The following H2AC7 variants were observed in gnomAD, a reference collection of about 807,000 sequenced individuals.
The protein encoded by H2AC7 is H2A clustered histone 7.
A neutral mutation model predicts 8.3 loss-of-function variants in H2AC7; 15 were observed. That is an observed-to-expected ratio of 1.81 (90% CI 1.21 to 2.79). The LOEUF (loss-of-function observed/expected upper bound fraction) is 2.79, where lower values mean the gene tolerates loss of function less well. Ranked by LOEUF, H2AC7 falls within the 30% of genes most tolerant of loss-of-function variation. The pLI, the probability that H2AC7 is intolerant of heterozygous loss-of-function variation, is 0.00. For synonymous variants in H2AC7, 168 were observed against 80.1 expected, an observed-to-expected ratio of 2.10 and a Z score of -5.86; for missense variants, 283 against 175.2, an observed-to-expected ratio of 1.62 and a Z score of -3.47.
At position 26,199,115 on chromosome 6, in the gene H2AC7, T is replaced by G. The variant is rs1406876778; in HGVS notation, c.129A>C (p.Arg43=). ...GATACACTGGCGCGCCGGCCCCGAC[T>G]CGCTCGGAGTAGTTGCCCTTGCGGA... ...RLLRKGNYSE[R]VGAGAPVYLA... The change falls in exon 1 of 1, where the codon CGA becomes CGC. Residue 43 remains arginine, a synonymous_variant. Coordinates refer to ENST00000341023, the MANE Select transcript of H2AC7 (RefSeq NM_021065.3). 4 of 1,614,156 alleles carry G rather than the reference T, an allele frequency of 2.5e-6. No individual in the cohort carries two copies. Among genetic ancestry groups the G allele is most frequent in the Non-Finnish European group, 3.4e-6 (4 of 1,180,020 alleles).
rs117079837 is a variant in H2AC7, at chr6:26,198,971, G to A, written c.273C>T (p.Asp91=). 133 of 1,614,250 alleles carry A rather than the reference G, an allele frequency of 8.2e-5. 1 individual carries two copies. The East Asian group carries it at 1.1e-3, about 13-fold the overall frequency. The change falls in exon 1 of 1, where the codon GAC becomes GAT. Residue 91 remains aspartate (D), a synonymous_variant. Transcript: ENST00000341023. ...PRHLQLAIRN[D]EELNKLLGKV... is the part of the protein sequence containing the mutation. ...TACCCAGCAACTTGTTTAGCTCCTC[G>A]TCGTTGCGGATGGCCAGCTGCAGGT...
rs771157419 is a variant in H2AC7 at position 26,199,206 on chromosome 6, G to A, written c.38C>T (p.Ala13Val). Residue 13 changes from alanine to valine, a missense_variant, in exon 1 of 1, where the codon GCT becomes GTT. Coordinates refer to ENST00000341023, the MANE Select transcript of H2AC7 (RefSeq NM_021065.3). ...GRGKQGGKAR[A>V]KAKTRSSRAG... ...CCGCGAAGAGCGGGTCTTAGCCTTAGCTCGGGCCTTTCCGCCTTGCTTGCC... is the reference window on the plus strand; with the variant it reads ...CCGCGAAGAGCGGGTCTTAGCCTTAACTCGGGCCTTTCCGCCTTGCTTGCC... The A allele has an allele frequency of 7.5e-6, 12 of 1,609,568 alleles. No individual in the cohort carries two copies. Among genetic ancestry groups the A allele is most frequent in the Middle Eastern group, 3.3e-4 (2 of 6,074 alleles).
rs1323153739 is a variant in H2AC7 at position 26,199,202 on chromosome 6, C to A, written c.42G>T (p.Lys14Asn). 3 of 1,612,600 alleles carry A rather than the reference C, an allele frequency of 1.9e-6. No individual in the cohort carries two copies. The highest frequency in any genetic ancestry group is 2.7e-5 in the African/African-American group (2 of 74,844). ...RGKQGGKARAKAKTRSSRAGL... is the reference protein window; with the variant it reads ...RGKQGGKARANAKTRSSRAGL... ...CGGCCCGCGAAGAGCGGGTCTTAGC[C>A]TTAGCTCGGGCCTTTCCGCCTTGCT... Residue 14 changes from lysine (K) to asparagine (N), a missense_variant, in exon 1 of 1, where the codon AAG becomes AAT. Transcript: ENST00000341023.
rs897718233 is a variant in H2AC7 at position 26,199,293 on chromosome 6, T to C, written c.-50A>G. On this transcript the variant is annotated 5_prime_UTR_variant, in exon 1 of 1. Transcript: ENST00000341023. ...AGCAATGAAGACAAAAATGTAAAAGTGAATTTTGTTAGCAAGTGAGAAACT... is the reference window on the plus strand; with the variant it reads ...AGCAATGAAGACAAAAATGTAAAAGCGAATTTTGTTAGCAAGTGAGAAACT... 3 of 1,562,004 alleles carry C rather than the reference T, an allele frequency of 1.9e-6. No homozygotes were observed. The highest frequency in any genetic ancestry group is 1.7e-6 in the Non-Finnish European group (2 of 1,158,370).
At position 26,199,085 on chromosome 6, in the gene H2AC7, C is replaced by A. The variant is rs748090291; in HGVS notation, c.159G>T (p.Ala53=). 38 of 1,614,038 alleles carry A rather than the reference C, an allele frequency of 2.4e-5. No homozygotes were observed. The highest frequency in any genetic ancestry group is 3.1e-5 in the Non-Finnish European group (37 of 1,180,034). The part of the protein sequence containing the change: ...RVGAGAPVYL[A]AVLEYLTAEI... Reference sequence around the variant, plus strand: ...CGGCGGTCAGGTACTCCAACACCGCCGCCAGATACACTGGCGCGCCGGCCC... The same window carrying A: ...CGGCGGTCAGGTACTCCAACACCGCAGCCAGATACACTGGCGCGCCGGCCC... Residue 53 remains alanine (A), a synonymous_variant, in exon 1 of 1, where the codon GCG becomes GCT. Coordinates refer to ENST00000341023, the MANE Select transcript of H2AC7 (RefSeq NM_021065.3).
Position 26,199,225 on chromosome 6 carries a change from G to GA in H2AC7, c.18_19insT (p.Gln7SerfsTer8). 1 of 1,603,886 alleles carries GA rather than the reference G, an allele frequency of 6.2e-7. No individual in the cohort carries two copies. Among genetic ancestry groups the GA allele is most frequent in the Middle Eastern group, 1.7e-4 (1 of 6,036 alleles). ...GCCTTAGCTCGGGCCTTTCCGCCTTGCTTGCCGCGTCCGGACATTTTGAAT... is the reference window on the plus strand; with the variant it reads ...GCCTTAGCTCGGGCCTTTCCGCCTTGACTTGCCGCGTCCGGACATTTTGAAT... On this transcript the variant is annotated frameshift_variant, in exon 1 of 1. Transcript: ENST00000341023. LOFTEE classifies it high-confidence loss of function.
In H2AC7 at chr6:26,199,121, G is replaced by A; in HGVS notation, c.123C>T (p.Ser41=). ...CTGGCGCGCCGGCCCCGACTCGCTC[G>A]GAGTAGTTGCCCTTGCGGAGCAAGC... The part of the protein sequence containing the change: ...VHRLLRKGNY[S]ERVGAGAPVY... Residue 41 remains serine, a synonymous_variant, in exon 1 of 1, where the codon TCC becomes TCT. Transcript: ENST00000341023. The A allele has an allele frequency of 1.9e-6, 3 of 1,614,228 alleles. No individual in the cohort carries two copies. The highest frequency in any genetic ancestry group is 2.5e-6 in the Non-Finnish European group (3 of 1,180,036).
At position 26,198,935 on chromosome 6, in the gene H2AC7, A is replaced by G. The variant is rs112920691; in HGVS notation, c.309T>C (p.Ile103=). ...TGTTGGGCAGAACACCGCCCTGAGCAATTGTGACTTTACCCAGCAACTTGT... is the reference window on the plus strand; with the variant it reads ...TGTTGGGCAGAACACCGCCCTGAGCGATTGTGACTTTACCCAGCAACTTGT... ...ELNKLLGKVT[I]AQGGVLPNIQ... is the part of the protein sequence containing the mutation. The change falls in exon 1 of 1, where the codon ATT becomes ATC. Residue 103 remains isoleucine, a synonymous_variant. Transcript: ENST00000341023. 1.6e-3 allele frequency: 2,608 copies of G among 1,614,188 alleles called. 21 individuals carry two copies. The African/African-American group carries it at 0.024, about 15-fold the overall frequency.
rs1409042178 is a variant in H2AC7 at position 26,199,009 on chromosome 6, T to C, written c.235A>G (p.Ile79Val). 3 of 1,614,164 alleles carry C rather than the reference T, an allele frequency of 1.9e-6. No individual in the cohort carries two copies. Among genetic ancestry groups the C allele is most frequent in the African/African-American group, 1.3e-5 (1 of 75,044 alleles). The change falls in exon 1 of 1, where the codon ATC becomes GTC. Residue 79 changes from isoleucine to valine, a missense_variant. Physicochemically the swap from Ile to Val is conservative, Grantham distance 29. Transcript: ENST00000341023. Reference sequence around the variant, plus strand: ...GCCAGCTGCAGGTGTCGGGGGATGATGCGGGTCTTCTTGTTGTCGCGGGCG... The same window carrying C: ...GCCAGCTGCAGGTGTCGGGGGATGACGCGGGTCTTCTTGTTGTCGCGGGCG... ...NAARDNKKTR[I>V]IPRHLQLAIR...
In H2AC7 at chr6:26,199,044, G is replaced by A. The variant is rs745492127; in HGVS notation, c.200C>T (p.Ala67Val). The A allele has an allele frequency of 4.3e-6, 7 of 1,614,186 alleles. No individual in the cohort carries two copies. In the South Asian group the frequency reaches 4.4e-5, roughly 10 times the overall value. ...EYLTAEILEL[A>V]GNAARDNKKT... ...CTTGTTGTCGCGGGCGGCGTTGCCC[G>A]CCAGCTCCAGGATCTCGGCGGTCAG... The change falls in exon 1 of 1, where the codon GCG becomes GTG. Residue 67 changes from alanine (A) to valine (V), a missense_variant. Physicochemically the swap from Ala to Val is moderately conservative, Grantham distance 64 (BLOSUM62 0). Transcript: ENST00000341023.
rs754630329 is a variant in H2AC7 at position 26,199,107 on chromosome 6, G to A, written c.137C>T (p.Ala46Val). The A allele has an allele frequency of 6.2e-7, 1 of 1,614,176 alleles. No homozygotes were observed. The highest frequency in any genetic ancestry group is 8.5e-7 in the Non-Finnish European group (1 of 1,180,018). The change falls in exon 1 of 1, where the codon GCC becomes GTC. Residue 46 changes from alanine to valine, a missense_variant. By Grantham distance (64) the Ala-to-Val change is moderately conservative. Transcript: ENST00000341023. Reference sequence around the variant, plus strand: ...CGCCGCCAGATACACTGGCGCGCCGGCCCCGACTCGCTCGGAGTAGTTGCC... The same window carrying A: ...CGCCGCCAGATACACTGGCGCGCCGACCCCGACTCGCTCGGAGTAGTTGCC... ...RKGNYSERVG[A>V]GAPVYLAAVL...
chr6:26,199,232 G>C lies in H2AC7; in HGVS notation c.12C>G (p.Arg4=). MSG[R]GKQGGKARAK... ...CTCGGGCCTTTCCGCCTTGCTTGCCGCGTCCGGACATTTTGAATTCTTAAA... is the reference window on the plus strand; with the variant it reads ...CTCGGGCCTTTCCGCCTTGCTTGCCCCGTCCGGACATTTTGAATTCTTAAA... The change falls in exon 1 of 1, where the codon CGC becomes CGG. Residue 4 remains arginine, a synonymous_variant. Transcript: ENST00000341023. The C allele has an allele frequency of 6.3e-7, 1 of 1,596,312 alleles. No homozygotes were observed. The highest frequency in any genetic ancestry group is 1.4e-5 in the African/African-American group (1 of 73,742).
Position 26,198,837 on chromosome 6 carries a change from T to A in H2AC7, c.*14A>T. 2 of 1,610,754 alleles carry A rather than the reference T, an allele frequency of 1.2e-6. No homozygotes were observed. Among genetic ancestry groups the A allele is most frequent in the Non-Finnish European group, 1.7e-6 (2 of 1,179,224 alleles). On this transcript the variant is annotated 3_prime_UTR_variant, in exon 1 of 1. Coordinates refer to ENST00000341023, the MANE Select transcript of H2AC7 (RefSeq NM_021065.3). ...AGACTGCTTCCTTAAAAAGCCAATA[T>A]AAGAGTTCTCGTTTTACTTGCCCTT...
Position 26,199,230 on chromosome 6 carries a change from C to T in H2AC7, c.14G>A (p.Gly5Asp). MSGR[G>D]KQGGKARAKA... Reference sequence around the variant, plus strand: ...AGCTCGGGCCTTTCCGCCTTGCTTGCCGCGTCCGGACATTTTGAATTCTTA... The same window carrying T: ...AGCTCGGGCCTTTCCGCCTTGCTTGTCGCGTCCGGACATTTTGAATTCTTA... The change falls in exon 1 of 1, where the codon GGC becomes GAC. Residue 5 changes from glycine to aspartate, a missense_variant. Gly to Asp is a moderately conservative substitution (Grantham distance 94). Coordinates refer to ENST00000341023, the MANE Select transcript of H2AC7 (RefSeq NM_021065.3). 1.2e-6 allele frequency: 2 copies of T among 1,602,800 alleles called. No homozygotes were observed. The highest frequency in any genetic ancestry group is 1.7e-6 in the Non-Finnish European group (2 of 1,177,154).
chr6:26,199,230 C>A lies in H2AC7; in HGVS notation c.14G>T (p.Gly5Val). The change falls in exon 1 of 1, where the codon GGC (glycine) becomes GTC (valine). Residue 5 changes from glycine (G) to valine (V), a missense_variant. By Grantham distance (109) the Gly-to-Val change is moderately radical. Transcript: ENST00000341023. ...AGCTCGGGCCTTTCCGCCTTGCTTG[C>A]CGCGTCCGGACATTTTGAATTCTTA... The part of the protein sequence containing the change: MSGR[G>V]KQGGKARAKA... 1 of 1,602,800 alleles carries A rather than the reference C, an allele frequency of 6.2e-7. No homozygotes were observed. Among genetic ancestry groups the A allele is most frequent in the Non-Finnish European group, 8.5e-7 (1 of 1,177,154 alleles).
Position 26,198,939 on chromosome 6 carries a change from G to A in H2AC7, c.305C>T (p.Thr102Ile), listed in dbSNP as rs1765054444. The A allele has an allele frequency of 6.2e-7, 1 of 1,614,236 alleles. No homozygotes were observed. The highest frequency in any genetic ancestry group is 1.1e-5 in the South Asian group (1 of 91,090). Residue 102 changes from threonine (T) to isoleucine (I), a missense_variant, in exon 1 of 1, where the codon ACA becomes ATA. By Grantham distance (89) the Thr-to-Ile change is moderately conservative. Coordinates refer to ENST00000341023, the MANE Select transcript of H2AC7 (RefSeq NM_021065.3). ...GGGCAGAACACCGCCCTGAGCAATT[G>A]TGACTTTACCCAGCAACTTGTTTAG... ...EELNKLLGKV[T>I]IAQGGVLPNI...
chr6:26,199,056 A>G lies in H2AC7; in HGVS notation c.188T>C (p.Ile63Thr), dbSNP rs772923602. 2 of 1,614,010 alleles carry G rather than the reference A, an allele frequency of 1.2e-6. No individual in the cohort carries two copies. Among genetic ancestry groups the G allele is most frequent in the Non-Finnish European group, 1.7e-6 (2 of 1,179,992 alleles). Reference sequence around the variant, plus strand: ...GGCGGCGTTGCCCGCCAGCTCCAGGATCTCGGCGGTCAGGTACTCCAACAC... The same window carrying G: ...GGCGGCGTTGCCCGCCAGCTCCAGGGTCTCGGCGGTCAGGTACTCCAACAC... ...AAVLEYLTAE[I>T]LELAGNAARD... The change falls in exon 1 of 1, where the codon ATC becomes ACC. Residue 63 changes from isoleucine to threonine, a missense_variant. Ile to Thr is a moderately conservative substitution (Grantham distance 89). Transcript: ENST00000341023.
rs770104124 is a variant in H2AC7 at position 26,199,254 on chromosome 6, T to C, written c.-11A>G. ...GCCGCGTCCGGACATTTTGAATTCT[T>C]AAAAACGATGTTAAGCAATGAAGAC... On this transcript the variant is annotated 5_prime_UTR_variant, in exon 1 of 1. Coordinates refer to ENST00000341023, the MANE Select transcript of H2AC7 (RefSeq NM_021065.3). 1.3e-5 allele frequency: 21 copies of C among 1,591,492 alleles called. No homozygotes were observed. The highest frequency in any genetic ancestry group is 1.9e-5 in the Admixed American group (1 of 51,366).
rs1239187988 is a variant in H2AC7, at chr6:26,198,876, C to G, written c.368G>C (p.Ser123Thr). ...QAVLLPKKTE[S>T]HHKAKGK ...TTACTTGCCCTTGGCCTTGTGGTGA[C>G]TCTCAGTCTTCTTGGGGAGCAGTAC... Residue 123 changes from serine (S) to threonine (T), a missense_variant, in exon 1 of 1, where the codon AGT (serine) becomes ACT (threonine). Ser to Thr is a moderately conservative substitution (Grantham distance 58, BLOSUM62 1). Transcript: ENST00000341023. The G allele has an allele frequency of 1.2e-6, 2 of 1,614,136 alleles. No homozygotes were observed. The highest frequency in any genetic ancestry group is 8.5e-7 in the Non-Finnish European group (1 of 1,180,002).
Sources: gnomAD v4.1 joint callset for allele counts on GRCh38, gnomAD v4.1.1 for gene constraint, MANE v1.5 for transcripts, NCBI Gene and HGNC (gene_info 2026-07-23, HGNC 2026-07-21) for gene names.